ADAMTSL1: variants seen among roughly 807,000 people sequenced by gnomAD.
ADAMTSL1 encodes the protein ADAMTS like 1.
A neutral mutation model predicts 201.8 loss-of-function variants in ADAMTSL1; 126 were observed. The observed-to-expected ratio is 0.62, with a 90% CI of 0.54 to 0.72. The LOEUF is 0.72. Among genes scored for constraint, ADAMTSL1 ranks in the 30% least tolerant of loss-of-function variants. The pLI is 0.00. For synonymous variants in ADAMTSL1, 1,121 were observed against 903.4 expected (o/e 1.24, Z -4.32); for missense variants, 2,679 against 2,277.8 (o/e 1.18, Z -3.59).
chr9:17,985,064 G>A (rs1178725107), intron 1 of ADAMTSL1, among the ~76,000 whole-genome samples: 2 of 152,132 alleles, frequency 1.3e-5, no homozygotes, highest in African/African-American at 4.8e-5. Context: ...AAAATAGGAA[G>A]ATGGAATTAA....
intron 1 of ADAMTSL1, among the ~76,000 whole-genome samples, chr9:17,942,184 G>C (rs991182301): frequency 6.6e-6 from 1 of 152,146 alleles, no homozygotes; most frequent in African/African-American, 2.4e-5. Flanking sequence ...TGGGTACTGA[G>C]TGTCTGTTTG....
At chr9:18,633,806 C>T (rs1826934242) in intron 5 of ADAMTSL1, among the ~76,000 whole-genome samples, 1 of 151,822 alleles carries the variant, frequency 6.6e-6, no homozygotes, top group South Asian at 2.1e-4. Flanking sequence ...GTAGAGAACT[C>T]GATAATGTAA....
intron 1 of ADAMTSL1, among the ~76,000 whole-genome samples, chr9:18,058,656 A>T (rs1822304322): frequency 6.6e-6 from 1 of 151,724 alleles, no homozygotes; most frequent in South Asian, 2.1e-4. Context: ...TGACCCATGA[A>T]ATAGGTCTCA....
intron 1 of ADAMTSL1, among the ~76,000 whole-genome samples, chr9:18,078,730 A>G (rs1268029333): frequency 2.0e-5 from 3 of 151,968 alleles, no homozygotes; most frequent in African/African-American, 4.8e-5. Context: ...CTCCCTTCTC[A>G]GCTCCTAGAT....
chr9:18,612,448 T>C (rs1034734004), intron 4 of ADAMTSL1, among the ~76,000 whole-genome samples: 2 of 152,194 alleles, frequency 1.3e-5, no homozygotes, highest in African/African-American at 4.8e-5. Flanking sequence ...ATTGAACACA[T>C]ATATTTTAGT....
chr9:18,160,608 G>A (rs1827342323), intron 1 of ADAMTSL1, among the ~76,000 whole-genome samples: 1 of 151,688 alleles, frequency 6.6e-6, no homozygotes, highest in African/African-American at 2.4e-5. Flanking sequence ...ATGTTTTCCA[G>A]TCCCCAAATT....
chr9:18,731,078 A>C (rs1818190470), intron 15 of ADAMTSL1, among the ~76,000 whole-genome samples: 1 of 152,204 alleles, frequency 6.6e-6, no homozygotes. Context: ...TTTACCAGAT[A>C]TGATTTTTCC....
chr9:18,791,945 A>G (rs1435629622), intron 19 of ADAMTSL1, among the ~76,000 whole-genome samples: 2 of 152,174 alleles, frequency 1.3e-5, no homozygotes, highest in African/African-American at 2.4e-5. Flanking sequence ...GGCAGAAAGC[A>G]TGGTGGCTTA....
At chr9:18,168,940 G>A (rs1401699155) in intron 2 of ADAMTSL1, among the ~76,000 whole-genome samples, 1 of 151,568 alleles carries the variant, frequency 6.6e-6, no homozygotes, top group African/African-American at 2.4e-5. Context: ...AGAAGTGTCT[G>A]TTCATATCCT....
chr9:18,230,287 C>G (rs1587359267), intron 2 of ADAMTSL1, among the ~76,000 whole-genome samples: 1 of 152,118 alleles, frequency 6.6e-6, no homozygotes, highest in African/African-American at 2.4e-5. Context: ...TAACTGCATG[C>G]TTTTCCTGGA....
chr9:18,817,865 G>A (rs80183182), intron 21 of ADAMTSL1, among the ~76,000 whole-genome samples: 2,918 of 152,250 alleles, frequency 0.019, 87 homozygotes, highest in African/African-American at 0.068. Context: ...ACAGCAGCGT[G>A]GAGCTTGCTC....
intron 21 of ADAMTSL1, 149 bp from the exon 22 acceptor site, chr9:18,826,135 A>G (rs1428069027): frequency 1.2e-6 from 1 of 866,330 alleles, no homozygotes; most frequent in African/African-American, 1.7e-5. Flanking sequence ...GGCTCTGGAC[A>G]TTATTTAATC....
intron 23 of ADAMTSL1, among the ~76,000 whole-genome samples, chr9:18,834,985 G>A (rs923138454): frequency 6.6e-6 from 1 of 152,136 alleles, no homozygotes; most frequent in African/African-American, 2.4e-5. Flanking sequence ...TAAACACCTA[G>A]GAGTGAAATG....
chr9:18,338,315 C>G (rs1563896529), intron 2 of ADAMTSL1, among the ~76,000 whole-genome samples: 1 of 152,100 alleles, frequency 6.6e-6, no homozygotes, highest in Non-Finnish European at 1.5e-5. Flanking sequence ...GAGCATCCAC[C>G]TTCGGCCCCT....
intron 1 of ADAMTSL1, among the ~76,000 whole-genome samples, chr9:18,117,382 C>T (rs897895373): frequency 1.3e-5 from 2 of 152,122 alleles, no homozygotes; most frequent in African/African-American, 4.8e-5. Flanking sequence ...GGTCCAGCCA[C>T]ACTGGCTCAT....
intron 23 of ADAMTSL1, among the ~76,000 whole-genome samples, chr9:18,885,512 C>CTAAA (rs1328259062): frequency 6.6e-6 from 1 of 152,158 alleles, no homozygotes; most frequent in African/African-American, 2.4e-5. Context: ...TTTTTGTCAT[C>CTAAA]TAAATAACTC....
chr9:18,256,678 A>G (rs143188239), intron 2 of ADAMTSL1, among the ~76,000 whole-genome samples: 2,224 of 152,304 alleles, frequency 0.015, 25 homozygotes, highest in Non-Finnish European at 0.021. Context: ...TCTGGAACCT[A>G]CTAGCCTCAG....
chr9:18,777,424 G>A lies in ADAMTSL1; in HGVS notation c.3195G>A (p.Leu1065=), dbSNP rs45579937. 300,001 of 1,599,792 alleles carry A rather than the reference G, an allele frequency of 0.19. 30,123 individuals are homozygous for A. Among genetic ancestry groups the A allele is most frequent in the Non-Finnish European group, 0.21 (245,029 of 1,173,472 alleles). ...EEDPGAEQVL[L]HLPFTMVTEQ... is the part of the protein sequence containing the mutation. ...ACCCGGGTGCAGAGCAAGTGCTCCTGCACCTGCCCTTCACCATGGTGACCG... is the reference window on the plus strand; with the variant it reads ...ACCCGGGTGCAGAGCAAGTGCTCCTACACCTGCCCTTCACCATGGTGACCG... The change falls in exon 19 of 29, where the codon CTG becomes CTA. Residue 1065 remains leucine, a synonymous_variant. Coordinates refer to ENST00000380548, the MANE Select transcript of ADAMTSL1 (RefSeq NM_001040272.6).
intron 23 of ADAMTSL1, among the ~76,000 whole-genome samples, chr9:18,872,628 G>C (rs1273686515): frequency 1.3e-5 from 2 of 152,092 alleles, no homozygotes; most frequent in Non-Finnish European, 2.9e-5. Flanking sequence ...TAGAATAGTG[G>C]TCTCCAATTC....
Sources: allele counts gnomAD v4.1 joint callset (sites outside exome capture counted in the v4.1 genomes callset), GRCh38; gene constraint gnomAD v4.1.1; transcripts MANE v1.5; gene names NCBI Gene and HGNC (gene_info 2026-07-23, HGNC 2026-07-21).